The following LSS variants were observed in gnomAD, a reference collection of about 807,000 sequenced individuals.
The protein encoded by LSS is lanosterol synthase.
LSS carries 90 observed loss-of-function variants against 110.3 expected under a neutral mutation model. That is an observed-to-expected ratio of 0.82 (90% confidence interval 0.69 to 0.97). The LOEUF (loss-of-function observed/expected upper bound fraction) is 0.97. Among genes scored for constraint, LSS ranks in the 50% least tolerant of loss-of-function variants. LSS has a pLI of 0.00. For missense variants in LSS, 927 were observed against 990.0 expected (o/e 0.94, Z 0.85); for synonymous variants, 433 against 400.0 (o/e 1.08, Z -0.98).
At chr21:46,221,356 G>T (rs936513355) in intron 5 of LSS, among the ~76,000 whole-genome samples, 4 of 7,820 alleles carry the variant, frequency 5.1e-4, no homozygotes, top group African/African-American at 2.4e-3. Context: ...GTCTTAGTTT[G>T]CTTGGCTTTA....
chr21:46,221,861 G>C lies in LSS; in HGVS notation c.543C>G (p.His181Gln), dbSNP rs1172479480. ...PDLVRARNIL[H>Q]KKGGAVAIPS... is the part of the protein sequence containing the mutation. ...ATGCTGCACATGCCGTACCTTTCTT[G>C]TGAAGAATGTTCCGGGCTCGTACCA... Residue 181 changes from histidine to glutamine, a missense_variant, in exon 5 of 22, where the codon CAC (histidine) becomes CAG (glutamine). His to Gln is a conservative substitution (Grantham distance 24). Transcript: ENST00000397728. 1.2e-6 allele frequency: 2 copies of C among 1,614,124 alleles called. No homozygotes were observed. Among genetic ancestry groups the C allele is most frequent in the Non-Finnish European group, 1.7e-6 (2 of 1,180,026 alleles).
chr21:46,218,977 G>A (rs570520135), intron 6 of LSS, among the ~76,000 whole-genome samples: 2 of 152,208 alleles, frequency 1.3e-5, no homozygotes, highest in East Asian at 1.9e-4. Context: ...TGCCCGCCTC[G>A]GCCTCCCGAA....
chr21:46,221,490 G>C (rs2080278820), intron 5 of LSS, among the ~76,000 whole-genome samples: 1 of 152,080 alleles, frequency 6.6e-6, no homozygotes, highest in African/African-American at 2.4e-5. Context: ...CCAAGTAGCT[G>C]AGACTACAGG....
intron 17 of LSS, among the ~76,000 whole-genome samples, chr21:46,200,936 C>T (rs570884055): frequency 1.3e-5 from 2 of 152,350 alleles, no homozygotes; most frequent in Admixed American, 1.3e-4. Flanking sequence ...GGGTACACAT[C>T]CTATCTGCAA....
At chr21:46,219,378 T>G in intron 6 of LSS, 98 bp downstream of exon 6, 2 of 406,298 alleles carry the variant, frequency 4.9e-6, no homozygotes, top group Non-Finnish European at 4.4e-6. Context: ...TGCCCACCCC[T>G]CTCTGCTGTC....
rs377227713 is a variant in LSS at position 46,216,260 on chromosome 21, T to TGCTCCACAGGGCTCTCC, written c.783+112_783+128dup. The stretch of plus-strand genomic sequence containing the variant: ...ATAGGATGGAGGAAGGTGGAGGCTC[T>TGCTCCACAGGGCTCTCC]GCTCCACAGGGCTCTCCGCTCCACA... On this transcript the variant is annotated intron_variant, in intron 7 of 21. Transcript: ENST00000397728. This position sits in a 1 kb window ranked among gnomAD's most constrained non-coding sequence, Gnocchi z 4.2. 8.7e-7 allele frequency: 1 copy of TGCTCCACAGGGCTCTCC among 1,155,276 alleles called. No individual in the cohort carries two copies. Among genetic ancestry groups the TGCTCCACAGGGCTCTCC allele is most frequent in the Non-Finnish European group, 1.3e-6 (1 of 793,086 alleles). 71.6% of individuals were successfully genotyped at this position (1,155,276 alleles called of 1,614,324 possible).
At chr21:46,225,783 C>A (rs1183747410) in intron 3 of LSS, among the ~76,000 whole-genome samples, 1 of 152,196 alleles carries the variant, frequency 6.6e-6, no homozygotes, top group Non-Finnish European at 1.5e-5. Context: ...ACACGTGACC[C>A]ATGTGACCTT....
At chr21:46,215,630 C>T (rs1375340825) in intron 8 of LSS, 55 bp downstream of exon 8, 8 of 1,264,876 alleles carry the variant, frequency 6.3e-6, no homozygotes, top group East Asian at 2.4e-5. Context: ...AATGAGTGGG[C>T]GACACCCTGA....
chr21:46,215,748 T>C lies in LSS; in HGVS notation c.829A>G (p.Arg277Gly). 1 of 1,612,738 alleles carries C rather than the reference T, an allele frequency of 6.2e-7. No homozygotes were observed. Among genetic ancestry groups the C allele is most frequent in the Non-Finnish European group, 8.5e-7 (1 of 1,179,438 alleles). The change falls in exon 8 of 22, where the codon AGG (arginine) becomes GGG (glycine). Residue 277 changes from arginine to glycine, a missense_variant. Transcript: ENST00000397728. Reference protein sequence around the residue: ...DFASIDWLAQRNNVAPDELYT... With the variant: ...DFASIDWLAQGNNVAPDELYT... ...AGCTCGTCGGGGGCCACGTTGTTCC[T>C]CTGCGCCAGCCAGTCAATGCTGGCG...
intron 15 of LSS, among the ~76,000 whole-genome samples, chr21:46,207,037 A>C (rs2080058882): frequency 6.6e-6 from 1 of 152,214 alleles, no homozygotes; most frequent in South Asian, 2.1e-4. Flanking sequence ...GTGCTGCCAG[A>C]AAAGGGCAGG....
At position 46,191,192 on chromosome 21, in the gene LSS, T is replaced by G. The variant is rs1259174525; in HGVS notation, c.2111A>C (p.Tyr704Ser). Residue 704 changes from tyrosine (Y) to serine (S), a missense_variant, in exon 22 of 22, where the codon TAC becomes TCC. By Grantham distance (144) the Tyr-to-Ser change is moderately radical (BLOSUM62 -2). Transcript: ENST00000397728. ...GVFNKSCAIS[Y>S]TSYRNIFPIW... Reference sequence around the variant, plus strand: ...GGGGAAGATGTTCCTGTAGCTCGTGTAGGAGATGGCACAGGACTTGTTGAA... The same window carrying G: ...GGGGAAGATGTTCCTGTAGCTCGTGGAGGAGATGGCACAGGACTTGTTGAA... The G allele has an allele frequency of 1.2e-6, 2 of 1,613,970 alleles. No individual in the cohort carries two copies. Among genetic ancestry groups the G allele is most frequent in the African/African-American group, 2.7e-5 (2 of 74,900 alleles).
chr21:46,212,934 G>A (rs1335152877), intron 11 of LSS, 91 bp downstream of exon 11: 1 of 1,500,026 alleles, frequency 6.7e-7, no homozygotes, highest in African/African-American at 1.4e-5. Flanking sequence ...ACCTGGTCCA[G>A]GAGGAGTTAT....
chr21:46,189,763 A>G lies in LSS; in HGVS notation c.*1341T>C, dbSNP rs914247. 285,137 of 456,784 alleles carry G rather than the reference A, an allele frequency of 0.62. 90,092 individuals carry two copies. Among genetic ancestry groups the G allele is most frequent in the Middle Eastern group, 0.69 (2,135 of 3,076 alleles). The allele number at this position is 456,784 out of a possible 1,614,324, so 28.3% of individuals were successfully genotyped here. On this transcript the variant is annotated 3_prime_UTR_variant, in exon 22 of 22. Coordinates refer to ENST00000397728, the MANE Select transcript of LSS (RefSeq NM_002340.6). Reference sequence around the variant, plus strand: ...GGCGGCAGGGAGGGGAAGAGCAGATAAGGAGGTATAGGGTGTGCCCTGGGC... The same window carrying G: ...GGCGGCAGGGAGGGGAAGAGCAGATGAGGAGGTATAGGGTGTGCCCTGGGC...
intron 11 of LSS, among the ~76,000 whole-genome samples, chr21:46,212,649 A>G (rs1015443432): frequency 1.3e-5 from 2 of 152,204 alleles, no homozygotes; most frequent in Admixed American, 1.3e-4. Flanking sequence ...TCCACCCAGG[A>G]CCTTTAAGAA....
intron 18 of LSS, 103 bp from the exon 19 acceptor site, chr21:46,195,859 C>G: frequency 4.5e-6 from 4 of 890,770 alleles, no homozygotes; most frequent in Non-Finnish European, 7.3e-6. Context: ...AGCCAGCCCA[C>G]CAACTCCAGT....
At chr21:46,195,847 C>A in intron 18 of LSS, 91 bp from the exon 19 acceptor site, 3 of 1,013,992 alleles carry the variant, frequency 3.0e-6, no homozygotes, top group South Asian at 1.3e-5. Context: ...CACACGTGCC[C>A]CAGCCAGCCC....
Position 46,219,584 on chromosome 21 carries a change from G to A in LSS, c.551-12C>T, listed in dbSNP as rs375847709. 2.9e-5 allele frequency: 45 copies of A among 1,538,658 alleles called. No individual in the cohort carries two copies. Among genetic ancestry groups the A allele is most frequent in the Middle Eastern group, 3.4e-4 (2 of 5,816 alleles). Reference sequence around the variant, plus strand: ...GGCCACAGCACCACCTGAGCGGGGAGAGAATAGGCCCACGTCATCTGCTTC... The same window carrying A: ...GGCCACAGCACCACCTGAGCGGGGAAAGAATAGGCCCACGTCATCTGCTTC... On this transcript the variant is annotated splice_polypyrimidine_tract_variant and intron_variant, in intron 5 of 21. Transcript: ENST00000397728.
At chr21:46,196,176 G>T (rs2079907222) in intron 18 of LSS, 26 bp downstream of exon 18, 2 of 1,610,576 alleles carry the variant, frequency 1.2e-6, no homozygotes, top group Non-Finnish European at 8.5e-7. Context: ...GTGCATCTCT[G>T]CACTCACGAG....
chr21:46,207,723 G>A, intron 14 of LSS, 146 bp from the exon 15 acceptor site: 1 of 920,772 alleles, frequency 1.1e-6, no homozygotes, highest in Non-Finnish European at 1.6e-6. Context: ...TGCAGCCAGG[G>A]CCCCAAGCTG....
Sources: gnomAD v4.1 joint callset for allele counts (sites outside exome capture counted in the v4.1 genomes callset) on GRCh38, gnomAD v4.1.1 for gene constraint, Gnocchi (gnomAD v3.1) non-coding constraint, MANE v1.5 for transcripts, NCBI Gene and HGNC (gene_info 2026-07-23, HGNC 2026-07-21) for gene names.